SMG1: variants seen among roughly 807,000 people sequenced by gnomAD.
The protein encoded by SMG1 is serine/threonine-protein kinase SMG1.
SMG1 carries 22 observed loss-of-function variants against 419.9 expected under a neutral mutation model. That is an observed-to-expected ratio of 0.05 (90% confidence interval 0.04 to 0.07). The LOEUF (loss-of-function observed/expected upper bound fraction) is 0.07, where lower values mean the gene tolerates loss of function less well. SMG1 is among the 10% of genes least tolerant of loss of function. SMG1 has a pLI of 1.00. For synonymous variants in SMG1, 1,538 were observed against 1,553.5 expected, an observed-to-expected ratio of 0.99 and a Z score of 0.23; for missense variants, 3,185 against 4,342.0, an observed-to-expected ratio of 0.73 and a Z score of 7.49.
intron 1 of SMG1, among the ~76,000 whole-genome samples, chr16:18,903,633 T>C (rs1037791294): frequency 2.6e-5 from 4 of 152,226 alleles, no homozygotes; most frequent in African/African-American, 4.8e-5. Flanking sequence ...TATCATGTCA[T>C]TTCATGTTCA....
In SMG1 at chr16:18,884,117, T is replaced by C. The variant is rs1466434566; in HGVS notation, c.1072A>G (p.Thr358Ala). Residue 358 changes from threonine (T) to alanine (A), a missense_variant, in exon 9 of 63, where the codon ACT (threonine) becomes GCT (alanine). By Grantham distance (58) the Thr-to-Ala change is moderately conservative. Around this residue, in one of 27 missense-constraint regions of SMG1, gnomAD observed 27 missense variants for 59.4 expected, o/e 0.45. Transcript: ENST00000446231. Reference sequence around the variant, plus strand: ...TCCAGAAACTGACCAAGAAGAGTAGTAGAAAATGCAAGATCAGCTACCCAA... The same window carrying C: ...TCCAGAAACTGACCAAGAAGAGTAGCAGAAAATGCAAGATCAGCTACCCAA... ...PFWVADLAFS[T>A]TLLGQFLEDM... is the part of the protein sequence containing the mutation. 6.2e-7 allele frequency: 1 copy of C among 1,606,704 alleles called. No individual in the cohort carries two copies. The highest frequency in any genetic ancestry group is 1.1e-5 in the South Asian group (1 of 90,298).
At chr16:18,848,082 T>C in intron 36 of SMG1, 49 bp from the exon 37 acceptor site, 8 of 1,489,978 alleles carry the variant, frequency 5.4e-6, no homozygotes, top group Non-Finnish European at 7.5e-6. Context: ...TTCTCCCATG[T>C]GCATATGCTA....
At chr16:18,863,575 T>A (rs1191235958) in intron 25 of SMG1, 75 bp downstream of exon 25, 2 of 1,330,996 alleles carry the variant, frequency 1.5e-6, no homozygotes, top group African/African-American at 2.9e-5. Flanking sequence ...TGACCAATTT[T>A]AATATTTTCT....
intron 1 of SMG1, among the ~76,000 whole-genome samples, chr16:18,904,722 G>C (rs1196308070): frequency 6.7e-6 from 1 of 150,074 alleles, no homozygotes; most frequent in East Asian, 2.0e-4. Context: ...GGATCATGAC[G>C]TCAGGAGTTC....
chr16:18,816,436 G>T lies in SMG1; in HGVS notation c.10168C>A (p.Gln3390Lys), dbSNP rs750373551. 34 of 1,613,824 alleles carry T rather than the reference G, an allele frequency of 2.1e-5. No individual in the cohort carries two copies. The highest frequency in any genetic ancestry group is 2.8e-5 in the Non-Finnish European group (33 of 1,179,870). ...TCTATCTGCTGCTCTTTCTCTGTCT[G>T]AATTGCCCTCTGAGTAGACATATCC... ...TQDMSTQRAI[Q>K]TEKEQQIETV... Residue 3390 changes from glutamine to lysine, a missense_variant, in exon 58 of 63, where the codon CAG becomes AAG. Coordinates refer to ENST00000446231, the MANE Select transcript of SMG1 (RefSeq NM_015092.5).
At chr16:18,890,397 G>A (rs1372319127) in intron 5 of SMG1, among the ~76,000 whole-genome samples, 3 of 152,174 alleles carry the variant, frequency 2.0e-5, no homozygotes, top group African/African-American at 7.2e-5. Context: ...CAACACTTTG[G>A]GAGGCTAAGG....
intron 6 of SMG1, among the ~76,000 whole-genome samples, chr16:18,887,762 T>TAAA (rs57393561): frequency 5.2e-5 from 2 of 38,286 alleles, no homozygotes; most frequent in Admixed American, 5.1e-4. Context: ...TCAAAAACAG[T>TAAA]AAAAAAAAAA....
At position 18,841,695 on chromosome 16, in the gene SMG1, T is replaced by C. The variant is rs1025524934; in HGVS notation, c.6566A>G (p.His2189Arg). ...TGGTGTTACAGAATAGTGTCGAGCA[T>C]GGAACCGGGGTGTTTCTTGGCGATT... is the stretch of plus-strand genomic sequence containing the variant. ...TINRQETPRF[H>R]ARHYSVTPLG... Residue 2189 changes from histidine (H) to arginine (R), a missense_variant, in exon 41 of 63, where the codon CAT (histidine) becomes CGT (arginine). His to Arg is a conservative substitution (Grantham distance 29, BLOSUM62 0). This residue lies in a region of SMG1 where 35 missense variants were observed against 33.8 expected (regional missense o/e 1.04). Transcript: ENST00000446231. The C allele has an allele frequency of 6.2e-7, 1 of 1,614,006 alleles. No homozygotes were observed. Among genetic ancestry groups the C allele is most frequent in the Non-Finnish European group, 8.5e-7 (1 of 1,179,890 alleles).
intron 3 of SMG1, among the ~76,000 whole-genome samples, chr16:18,895,294 C>T (rs1000604389): frequency 1.8e-4 from 27 of 151,978 alleles, no homozygotes; most frequent in Admixed American, 2.6e-4. Context: ...GCCTGGCCAA[C>T]ATGGTGAAAC....
rs1393968113 is a variant in SMG1, at chr16:18,829,727, A to G, written c.9162T>C (p.Thr3054=). The change falls in exon 54 of 63, where the codon ACT becomes ACC. Residue 3054 remains threonine, a synonymous_variant. Coordinates refer to ENST00000446231, the MANE Select transcript of SMG1 (RefSeq NM_015092.5). Reference sequence around the variant, plus strand: ...TGACAATCTGTACAGGCCCATTCACAGTATTCTGATCTTCAAGTGAACTTG... The same window carrying G: ...TGACAATCTGTACAGGCCCATTCACGGTATTCTGATCTTCAAGTGAACTTG... The part of the protein sequence containing the change: ...SGSSSLEDQN[T]VNGPVQIVNV... 1.9e-6 allele frequency: 3 copies of G among 1,605,118 alleles called. No homozygotes were observed. The highest frequency in any genetic ancestry group is 2.6e-6 in the Non-Finnish European group (3 of 1,174,066).
At chr16:18,812,179 G>A (rs2031473311) in intron 60 of SMG1, 52 bp from the exon 61 acceptor site, 2 of 1,557,756 alleles carry the variant, frequency 1.3e-6, no homozygotes, top group Non-Finnish European at 1.7e-6. Context: ...AACATGGAGG[G>A]GGCAGAGTGG....
Position 18,835,076 on chromosome 16 carries a change from C to A in SMG1, c.8146G>T (p.Asp2716Tyr). Residue 2716 changes from aspartate (D) to tyrosine (Y), a missense_variant, in exon 49 of 63, where the codon GAC (aspartate) becomes TAC (tyrosine). Coordinates refer to ENST00000446231, the MANE Select transcript of SMG1 (RefSeq NM_015092.5). ...TGTCTAATAAGTCTGCTGTTGATGT[C>A]TGCTGCGTATCGCTGCAGGGTCATT... Reference protein sequence around the residue: ...TEMTLQRYAADINSRLIRQVE... With the variant: ...TEMTLQRYAAYINSRLIRQVE... 6.2e-7 allele frequency: 1 copy of A among 1,614,024 alleles called. No homozygotes were observed. The highest frequency in any genetic ancestry group is 8.5e-7 in the Non-Finnish European group (1 of 1,179,896).
At chr16:18,924,956 G>A (rs1294804613) in intron 1 of SMG1, 2 of 126,544 alleles carry the variant, frequency 1.6e-5, no homozygotes, top group Non-Finnish European at 1.8e-5. Context: ...TATTTGGCCA[G>A]TTTCTGGACA....
Position 18,859,540 on chromosome 16 carries a change from G to C in SMG1, c.3953+16C>G, listed in dbSNP as rs754983053. 6 of 1,423,950 alleles carry C rather than the reference G, an allele frequency of 4.2e-6. No individual in the cohort carries two copies. The highest frequency in any genetic ancestry group is 1.8e-4 in the Middle Eastern group (1 of 5,422). The allele number at this position is 1,423,950 out of a possible 1,614,324, so 88.2% of individuals were successfully genotyped here. On this transcript the variant is annotated intron_variant, in intron 27 of 62. Transcript: ENST00000446231. The stretch of plus-strand genomic sequence containing the variant: ...ATATACACAATGTACATTTACCTCC[G>C]TAAGAGTAAACTTACTCAGTTATAG...
intron 6 of SMG1, among the ~76,000 whole-genome samples, chr16:18,887,272 G>C (rs1474599159): frequency 6.6e-6 from 1 of 152,110 alleles, no homozygotes; most frequent in Non-Finnish European, 1.5e-5. Context: ...CGAGCTGGTG[G>C]CATTCTGTTT....
intron 13 of SMG1, among the ~76,000 whole-genome samples, chr16:18,873,227 T>C (rs558970251): frequency 6.6e-6 from 1 of 152,192 alleles, no homozygotes; most frequent in South Asian, 2.1e-4. Flanking sequence ...AAGAAAACTT[T>C]CTTTTTTGAG....
intron 1 of SMG1, among the ~76,000 whole-genome samples, chr16:18,908,010 T>C (rs765279873): frequency 1.5e-4 from 23 of 152,002 alleles, no homozygotes; most frequent in Middle Eastern, 3.2e-3. Context: ...ACCTCTTTAA[T>C]AGATGAAGGA....
At chr16:18,904,252 T>C (rs568288358) in intron 1 of SMG1, among the ~76,000 whole-genome samples, 8 of 151,052 alleles carry the variant, frequency 5.3e-5, no homozygotes, top group South Asian at 4.2e-4. Context: ...CTTTTGTACG[T>C]TGCAAAATCT....
intron 26 of SMG1, 104 bp downstream of exon 26, chr16:18,860,563 C>CG: frequency 1.6e-6 from 1 of 626,108 alleles, no homozygotes; most frequent in African/African-American, 1.9e-5. Context: ...TCTGCCCCCA[C>CG]AAAAATGTAA....
Sources: gnomAD v4.1 joint callset for allele counts (sites outside exome capture counted in the v4.1 genomes callset) on GRCh38, gnomAD v4.1.1 for gene constraint, gnomAD v4.1.1 regional missense constraint, MANE v1.5 for transcripts, NCBI Gene and HGNC (gene_info 2026-07-23, HGNC 2026-07-21) for gene names.